The following SCRN3 variants were observed in gnomAD, a reference collection of about 807,000 sequenced individuals.
SCRN3 encodes secernin-3.
A neutral mutation model predicts 43.1 loss-of-function variants in SCRN3; 39 were observed. The observed-to-expected ratio is 0.91, with a 90% confidence interval of 0.70 to 1.18. The LOEUF (loss-of-function observed/expected upper bound fraction) is 1.18, where lower values mean the gene tolerates loss of function less well. SCRN3 is among the 50% of genes most tolerant of loss of function. SCRN3 has a pLI of 0.00. For synonymous variants in SCRN3, 147 were observed against 163.1 expected (o/e 0.90, Z 0.75); for missense variants, 484 against 498.0 (o/e 0.97, Z 0.27).
At chr2:174,424,178 A>C (rs1358655948) in intron 6 of SCRN3, among the ~76,000 whole-genome samples, 1 of 152,060 alleles carries the variant, frequency 6.6e-6, no homozygotes, top group African/African-American at 2.4e-5. Flanking sequence ...TTATCCTCCA[A>C]CTGTGGAATG....
intron 1 of SCRN3, 128 bp downstream of exon 1, chr2:174,395,945 C>A: frequency 7.1e-7 from 1 of 1,410,428 alleles, no homozygotes; most frequent in South Asian, 1.6e-5. Context: ...TTTGAGCGCC[C>A]AGGGCCGGGG....
At position 174,419,434 on chromosome 2, in the gene SCRN3, C is replaced by T. The variant is rs1303848601; in HGVS notation, c.755-3451C>T. ...TTGCACTGTCGCCCAGGCTGGAGTG[C>T]GGTGGCACGATCATAGTTTACTGTA... On this transcript the variant is annotated intron_variant, in intron 5 of 7. Coordinates refer to ENST00000272732, the MANE Select transcript of SCRN3 (RefSeq NM_024583.5). Among the ~76,000 whole-genome samples, 6 of 152,232 alleles carry T rather than the reference C, an allele frequency of 3.9e-5. No individual in the cohort carries two copies. The East Asian group carries it at 7.7e-4, about 20-fold the overall frequency.
rs1339528059 is a variant in SCRN3, at chr2:174,404,138, A to G, written c.577A>G (p.Thr193Ala). 6.2e-7 allele frequency: 1 copy of G among 1,613,756 alleles called. No individual in the cohort carries two copies. Among genetic ancestry groups the G allele is most frequent in the Admixed American group, 1.7e-5 (1 of 59,950 alleles). Residue 193 changes from threonine to alanine, a missense_variant, in exon 5 of 8, where the codon ACA becomes GCA. By Grantham distance (58) the Thr-to-Ala change is moderately conservative. Transcript: ENST00000272732. ...TAATATTTCTAATCAACTTTCCATA[A>G]CAACCAAGATTGCCCGGGAACACCC... Reference protein sequence around the residue: ...VRNISNQLSITTKIAREHPDM... With the variant: ...VRNISNQLSIATKIAREHPDM...
rs533954935 is a variant in SCRN3 at position 174,398,522 on chromosome 2, G to A, written c.159+80G>A. ...TATTTCTATACATAGCAATTTGGAAGAAACTGTAGAAGTTAAAATTGAGGA... is the reference window on the plus strand; with the variant it reads ...TATTTCTATACATAGCAATTTGGAAAAAACTGTAGAAGTTAAAATTGAGGA... On this transcript the variant is annotated intron_variant, in intron 2 of 7. Transcript: ENST00000272732. The A allele has an allele frequency of 2.8e-5, 34 of 1,218,086 alleles. No individual in the cohort carries two copies. The African/African-American group carries it at 5.1e-4, about 18-fold the overall frequency. 75.5% of individuals were successfully genotyped at this position (1,218,086 alleles called of 1,614,324 possible).
chr2:174,396,076 T>C, intron 1 of SCRN3: 1 of 1,176,888 alleles, frequency 8.5e-7, no homozygotes. Flanking sequence ...ATCTATGTTA[T>C]GAAGATAATA....
In SCRN3 at chr2:174,427,919, A is replaced by G. The variant is rs780785569; in HGVS notation, c.*24A>G. ...AGTGATCATATGGTCAGCTAATATT[A>G]GTTCTTAGTGATCAGTGGTCAGTAA... On this transcript the variant is annotated 3_prime_UTR_variant, in exon 8 of 8. Coordinates refer to ENST00000272732, the MANE Select transcript of SCRN3 (RefSeq NM_024583.5). 2.7e-6 allele frequency: 4 copies of G among 1,459,878 alleles called. No individual in the cohort carries two copies. Among genetic ancestry groups the G allele is most frequent in the Non-Finnish European group, 3.8e-6 (4 of 1,051,118 alleles). 90.4% of individuals were successfully genotyped at this position (1,459,878 alleles called of 1,614,324 possible).
At chr2:174,408,242 G>C (rs1685765875) in intron 5 of SCRN3, among the ~76,000 whole-genome samples, 2 of 75,708 alleles carry the variant, frequency 2.6e-5, no homozygotes, top group Non-Finnish European at 5.7e-5. Context: ...TTTGATCTTT[G>C]TTGGTTTAAA....
At position 174,404,298 on chromosome 2, in the gene SCRN3, T is replaced by C. The variant is rs1411814844; in HGVS notation, c.737T>C (p.Leu246Pro). The C allele has an allele frequency of 6.2e-7, 1 of 1,612,494 alleles. No individual in the cohort carries two copies. Among genetic ancestry groups the C allele is most frequent in the East Asian group, 2.2e-5 (1 of 44,850 alleles). ...GGCAGATACTGTGAGGGCTACAAGC[T>C]TCTAAATAAGCACAAAGGTAATTTT... Reference protein sequence around the residue: ...SSGRYCEGYKLLNKHKGNITF... With the variant: ...SSGRYCEGYKPLNKHKGNITF... Residue 246 changes from leucine (L) to proline (P), a missense_variant, in exon 5 of 8, where the codon CTT becomes CCT. By Grantham distance (98) the Leu-to-Pro change is moderately conservative. Transcript: ENST00000272732.
In SCRN3 at chr2:174,399,899, C is replaced by CTTTT. The variant is rs59353951; in HGVS notation, c.160-8_160-5dup. 1.6e-4 allele frequency: 184 copies of CTTTT among 1,154,538 alleles called. 1 individual carries two copies. The highest frequency in any genetic ancestry group is 4.1e-4 in the South Asian group (12 of 29,454). The allele number at this position is 1,154,538 out of a possible 1,614,324, so 71.5% of individuals were successfully genotyped here. Reference sequence around the variant, plus strand: ...TCTGGTTTTGTGGTTCTTGCTATGACTTTTTTTTTTTTTTTTTTACAGTGT... The same window carrying CTTTT: ...TCTGGTTTTGTGGTTCTTGCTATGACTTTTTTTTTTTTTTTTTTTTTTACAGTGT... On this transcript the variant is annotated intron_variant, in intron 2 of 7. Transcript: ENST00000272732.
chr2:174,413,830 T>A (rs12053022), intron 5 of SCRN3, among the ~76,000 whole-genome samples: 31,000 of 151,506 alleles, frequency 0.2, 3,529 homozygotes, highest in Middle Eastern at 0.38. Flanking sequence ...ACCTCAGATG[T>A]TCCACCCACC....
intron 4 of SCRN3, 28 bp downstream of exon 4, chr2:174,401,217 T>A: frequency 6.4e-7 from 1 of 1,569,632 alleles, no homozygotes. Context: ...TGATTTAACT[T>A]GTTTTTGCAA....
chr2:174,424,722 G>T, intron 7 of SCRN3, 73 bp downstream of exon 7: 1 of 1,195,466 alleles, frequency 8.4e-7, no homozygotes, highest in Non-Finnish European at 1.2e-6. Context: ...GAACTTTGGA[G>T]TATCAGCTTT....
rs1405992979 is a variant in SCRN3, at chr2:174,422,873, TTATTTCTCTA to T, written c.755-11_755-2del. On this transcript the variant is annotated splice_acceptor_variant and splice_polypyrimidine_tract_variant and intron_variant, in intron 5 of 7. Coordinates refer to ENST00000272732, the MANE Select transcript of SCRN3 (RefSeq NM_024583.5). LOFTEE classifies it high-confidence loss of function. ...CATATGTATTTGATGATTTTAAAAATTATTTCTCTAGGAAATATAACTTTTGAAACAATGA... is the reference window on the plus strand; with the variant it reads ...CATATGTATTTGATGATTTTAAAAATGGAAATATAACTTTTGAAACAATGA... The T allele has an allele frequency of 4.4e-6, 7 of 1,574,868 alleles. No individual in the cohort carries two copies. The highest frequency in any genetic ancestry group is 6.1e-6 in the Non-Finnish European group (7 of 1,146,086).
intron 5 of SCRN3, among the ~76,000 whole-genome samples, chr2:174,422,238 C>T (rs879508249): frequency 3.9e-5 from 6 of 152,046 alleles, no homozygotes; most frequent in Admixed American, 2.6e-4. Context: ...CCAGCCTGGG[C>T]AACATAGCAA....
chr2:174,427,719 G>C lies in SCRN3; in HGVS notation c.1099G>C (p.Ala367Pro), dbSNP rs765070115. 8.8e-6 allele frequency: 14 copies of C among 1,594,818 alleles called. No homozygotes were observed. The highest frequency in any genetic ancestry group is 1.1e-5 in the Non-Finnish European group (13 of 1,170,274). Residue 367 changes from alanine to proline, a missense_variant, in exon 8 of 8, where the codon GCC becomes CCC. Coordinates refer to ENST00000272732, the MANE Select transcript of SCRN3 (RefSeq NM_024583.5). ...TATATTTTTAATTGTTTAGGAAAAA[G>C]CCAAAATAATGTTGGACAACATGAG... is the stretch of plus-strand genomic sequence containing the variant. ...LEVVNNNEEK[A>P]KIMLDNMRKL... is the part of the protein sequence containing the mutation.
Position 174,398,274 on chromosome 2 carries a change from G to GT in SCRN3, c.-8dup. The GT allele has an allele frequency of 6.5e-7, 1 of 1,542,780 alleles. No individual in the cohort carries two copies. Among genetic ancestry groups the GT allele is most frequent in the Middle Eastern group, 1.8e-4 (1 of 5,558 alleles). Reference sequence around the variant, plus strand: ...TTTTAAAACATCTGTATAATTTTTAGTTAAAAAAAATGGAACCTTTTTCCT... The same window carrying GT: ...TTTTAAAACATCTGTATAATTTTTAGTTTAAAAAAAATGGAACCTTTTTCCT... On this transcript the variant is annotated splice_region_variant and 5_prime_UTR_variant. Transcript: ENST00000272732.
intron 5 of SCRN3, among the ~76,000 whole-genome samples, chr2:174,420,417 G>A (rs896710726): frequency 7.2e-5 from 11 of 152,136 alleles, no homozygotes; most frequent in African/African-American, 2.7e-4. Flanking sequence ...ATCATGCAGA[G>A]CCTCTGTAAA....
At position 174,428,794 on chromosome 2, in the gene SCRN3, C is replaced by T. The variant is rs530396874; in HGVS notation, c.*899C>T. On this transcript the variant is annotated 3_prime_UTR_variant, in exon 8 of 8. Transcript: ENST00000272732. Reference sequence around the variant, plus strand: ...GAACTTTATACATGAGTAATAGCTTCCTAAAGTTTATAAAACATTGTTTAG... The same window carrying T: ...GAACTTTATACATGAGTAATAGCTTTCTAAAGTTTATAAAACATTGTTTAG... 6.6e-6 allele frequency: 1 copy of T among 152,108 alleles called. No individual in the cohort carries two copies. The highest frequency in any genetic ancestry group is 1.9e-4 in the East Asian group (1 of 5,186). The allele number at this position is 152,108 out of a possible 1,614,324, so 9.4% of individuals were successfully genotyped here.
chr2:174,404,458 A>AT (rs575951477), intron 5 of SCRN3, 143 bp downstream of exon 5: 2,935 of 507,836 alleles, frequency 5.8e-3, no homozygotes, highest in Middle Eastern at 9.4e-3. Flanking sequence ...TTATAAACCT[A>AT]TTTTTTTTTT....
Sources: gnomAD v4.1 joint callset for allele counts (sites outside exome capture counted in the v4.1 genomes callset) on GRCh38, gnomAD v4.1.1 for gene constraint, MANE v1.5 for transcripts, NCBI Gene and HGNC (gene_info 2026-07-23, HGNC 2026-07-21) for gene names.